NAALADL2: variants seen among roughly 807,000 people sequenced by gnomAD.
The protein encoded by NAALADL2 is N-acetylated alpha-linked acidic dipeptidase like 2.
A neutral mutation model predicts 87.2 loss-of-function variants in NAALADL2; 76 were observed. The observed-to-expected ratio is 0.87, with a 90% CI of 0.72 to 1.05. The LOEUF (loss-of-function observed/expected upper bound fraction) is 1.05. Among genes scored for constraint, NAALADL2 ranks in the 50% least tolerant of loss-of-function variants. The pLI is 0.00. For synonymous variants in NAALADL2, 354 were observed against 331.0 expected (o/e 1.07, Z -0.75); for missense variants, 1,089 against 945.8 (o/e 1.15, Z -1.99).
intron 1 of NAALADL2, among the ~76,000 whole-genome samples, chr3:174,514,869 A>G (rs1515595): frequency 0.27 from 41,357 of 151,980 alleles, 6,035 homozygotes; most frequent in South Asian, 0.37. Context: ...TTATGTCACC[A>G]TTAGTAAATT....
At chr3:174,457,151 A>G (rs1319784753) in intron 1 of NAALADL2, among the ~76,000 whole-genome samples, 1 of 152,208 alleles carries the variant, frequency 6.6e-6, no homozygotes, top group African/African-American at 2.4e-5. Context: ...AACTACAATG[A>G]GATACCATCT....
intron 2 of NAALADL2, among the ~76,000 whole-genome samples, chr3:174,736,528 T>G (rs1368432241): frequency 6.6e-6 from 1 of 152,020 alleles, no homozygotes; most frequent in Non-Finnish European, 1.5e-5. Flanking sequence ...CATCATCTCT[T>G]CAGCTTTCAG....
At chr3:175,203,487 T>C (rs1425721745) in intron 2 of NAALADL2, among the ~76,000 whole-genome samples, 1 of 152,128 alleles carries the variant, frequency 6.6e-6, no homozygotes, top group East Asian at 1.9e-4. Flanking sequence ...ACTCATAGTG[T>C]TTGGACTGTT....
At chr3:175,516,329 A>T (rs1731827084) in intron 9 of NAALADL2, among the ~76,000 whole-genome samples, 1 of 152,202 alleles carries the variant, frequency 6.6e-6, no homozygotes, top group Non-Finnish European at 1.5e-5. Flanking sequence ...CCTTGCTTAC[A>T]TAGGCAAGGA....
chr3:175,575,259 T>C (rs1718690377), intron 9 of NAALADL2, among the ~76,000 whole-genome samples: 1 of 152,084 alleles, frequency 6.6e-6, no homozygotes, highest in African/African-American at 2.4e-5. Context: ...GTTTCTTCTC[T>C]AGTTTTTTAT....
At chr3:174,521,102 A>C (rs534020873) in intron 1 of NAALADL2, among the ~76,000 whole-genome samples, 1 of 152,326 alleles carries the variant, frequency 6.6e-6, no homozygotes, top group East Asian at 1.9e-4. Context: ...AACAGTGTGG[A>C]GATGTCTCAA....
At chr3:174,743,642 T>G (rs2067544926) in intron 3 of NAALADL2, among the ~76,000 whole-genome samples, 1 of 151,840 alleles carries the variant, frequency 6.6e-6, no homozygotes, top group African/African-American at 2.4e-5. Flanking sequence ...TATTTTATTT[T>G]AATATTTTCT....
chr3:174,617,170 G>A (rs1188453313), intron 2 of NAALADL2, among the ~76,000 whole-genome samples: 1 of 151,714 alleles, frequency 6.6e-6, no homozygotes, highest in Non-Finnish European at 1.5e-5. Context: ...AACTAGTTTA[G>A]CTTGTCGAAC....
chr3:175,634,396 T>C (rs1212476479), intron 11 of NAALADL2, among the ~76,000 whole-genome samples: 1 of 152,006 alleles, frequency 6.6e-6, no homozygotes, highest in Admixed American at 6.6e-5. Flanking sequence ...GCATGGTAAC[T>C]GAAAACTTAA....
chr3:174,570,979 A>T (rs1714852318), intron 2 of NAALADL2, among the ~76,000 whole-genome samples: 1 of 152,286 alleles, frequency 6.6e-6, no homozygotes, highest in African/African-American at 2.4e-5. Flanking sequence ...TATAACTGCG[A>T]TTCTCCAAAT....
In NAALADL2 at chr3:175,234,278, C is replaced by T. The variant is rs556326613; in HGVS notation, c.819+74C>T. On this transcript the variant is annotated intron_variant, in intron 3 of 13. Transcript: ENST00000454872. Reference sequence around the variant, plus strand: ...AATAACAGCTTTCATCTAAATTGAACTAACTGTCAAGATGCAACATACAAA... The same window carrying T: ...AATAACAGCTTTCATCTAAATTGAATTAACTGTCAAGATGCAACATACAAA... 155 of 1,463,852 alleles carry T rather than the reference C, an allele frequency of 1.1e-4. No individual in the cohort carries two copies. The African/African-American group carries it at 2.0e-3, about 19-fold the overall frequency. The allele number at this position is 1,463,852 out of a possible 1,614,324, so 90.7% of individuals were successfully genotyped here.
intron 5 of NAALADL2, among the ~76,000 whole-genome samples, chr3:175,330,565 C>G (rs1019305061): frequency 1.3e-5 from 2 of 152,028 alleles, no homozygotes; most frequent in African/African-American, 2.4e-5. Flanking sequence ...CAACATGCTC[C>G]TAAATGACCA....
intron 9 of NAALADL2, 68 bp downstream of exon 9, chr3:175,471,826 CTTGA>C: frequency 7.4e-7 from 1 of 1,343,584 alleles, no homozygotes; most frequent in Non-Finnish European, 1.0e-6. Context: ...TTTGACATTT[CTTGA>C]TTTTTTCATT....
chr3:174,448,767 T>C (rs1291927143), intron 1 of NAALADL2, among the ~76,000 whole-genome samples: 2 of 152,002 alleles, frequency 1.3e-5, no homozygotes, highest in African/African-American at 4.8e-5. Context: ...GGAAGAGAAG[T>C]TGGTCAGCAG....
At chr3:175,215,563 A>T (rs6443290) in intron 2 of NAALADL2, among the ~76,000 whole-genome samples, 6 of 151,558 alleles carry the variant, frequency 4.0e-5, no homozygotes, top group African/African-American at 1.5e-4. Flanking sequence ...CACCTTTCAG[A>T]CCACTTCTAT....
At chr3:175,567,125 C>A (rs1055803667) in intron 9 of NAALADL2, among the ~76,000 whole-genome samples, 3 of 152,086 alleles carry the variant, frequency 2.0e-5, no homozygotes, top group Non-Finnish European at 4.4e-5. Flanking sequence ...TTAGATGCAA[C>A]AGTTTGGTTG....
chr3:175,231,513 A>G (rs954377210), intron 2 of NAALADL2, among the ~76,000 whole-genome samples: 3 of 152,154 alleles, frequency 2.0e-5, no homozygotes, highest in African/African-American at 7.2e-5. Context: ...GGGAAAAATT[A>G]CTAATTCTTC....
chr3:174,997,729 T>C (rs982154178), intron 1 of NAALADL2, among the ~76,000 whole-genome samples: 4 of 151,796 alleles, frequency 2.6e-5, no homozygotes, highest in African/African-American at 9.7e-5. Flanking sequence ...GGCAGGAGAA[T>C]CTCTTGAACC....
At chr3:174,764,043 G>T (rs1039882217) in intron 3 of NAALADL2, among the ~76,000 whole-genome samples, 2 of 152,146 alleles carry the variant, frequency 1.3e-5, no homozygotes, top group African/African-American at 4.8e-5. Context: ...TGCTCTTTGT[G>T]ATTCAGAGAG....
Sources: gnomAD v4.1 joint callset for allele counts (sites outside exome capture counted in the v4.1 genomes callset) on GRCh38, gnomAD v4.1.1 for gene constraint, MANE v1.5 for transcripts, NCBI Gene and HGNC (gene_info 2026-07-23, HGNC 2026-07-21) for gene names.